Variants in ANK3 observed in about 807,000 individuals in gnomAD.
ANK3 encodes ankyrin 3, also known as ankyrin-3.
ANK3 carries 57 observed loss-of-function variants against 370.9 expected under a neutral mutation model. The observed-to-expected ratio is 0.15, with a 90% CI of 0.12 to 0.19. ANK3 has a LOEUF of 0.19. Ranked by LOEUF, ANK3 falls within the 10% of genes least tolerant of loss-of-function variation. The probability of loss-of-function intolerance (pLI) is 1.00; values close to 1 mark genes in which losing one functional copy is unlikely to be tolerated. For synonymous variants in ANK3, 1,929 were observed against 1,946.3 expected (o/e 0.99, Z 0.23); for missense variants, 4,439 against 5,302.1 (o/e 0.84, Z 5.06).
intron 42 of ANK3, among the ~76,000 whole-genome samples, chr10:60,049,100 A>T (rs1488885258): frequency 6.6e-6 from 1 of 152,202 alleles, no homozygotes; most frequent in Non-Finnish European, 1.5e-5. Flanking sequence ...ATAATTTATA[A>T]AGTGTTTTTG....
chr10:60,226,704 GTATA>G (rs1358777702), intron 8 of ANK3, among the ~76,000 whole-genome samples: 1 of 137,878 alleles, frequency 7.3e-6, no homozygotes, highest in African/African-American at 2.7e-5. Flanking sequence ...ATATTATATA[GTATA>G]TATAATACAT....
In ANK3 at chr10:60,069,914, G is replaced by A; in HGVS notation, c.10967C>T (p.Ala3656Val). The A allele has an allele frequency of 1.2e-6, 2 of 1,613,882 alleles. No individual in the cohort carries two copies. Among genetic ancestry groups the A allele is most frequent in the Non-Finnish European group, 1.7e-6 (2 of 1,179,936 alleles). The change falls in exon 37 of 44, where the codon GCC (alanine) becomes GTC (valine). Residue 3656 changes from alanine to valine, a missense_variant. Physicochemically the swap from Ala to Val is moderately conservative, Grantham distance 64. Around this residue, in one of 13 missense-constraint regions of ANK3, gnomAD observed 496 missense variants for 529.3 expected, o/e 0.94. Coordinates refer to ENST00000280772, the MANE Select transcript of ANK3 (RefSeq NM_020987.5). ...GTCCCCTGACTGTGGCTGTGGTGTG[G>A]CAGTGACCATACTTTTATCCCCTTC... ...QGEGDKSMVT[A>V]TPQPQSGDTT... is the part of the protein sequence containing the mutation.
At chr10:60,557,591 C>T (rs1169682920) in intron 2 of ANK3, among the ~76,000 whole-genome samples, 2 of 151,970 alleles carry the variant, frequency 1.3e-5, no homozygotes, top group South Asian at 2.1e-4. Context: ...ATAGTTAATG[C>T]CACTAAACTG....
Position 60,517,414 on chromosome 10 carries a change from A to C in ANK3, c.96+97772T>G, listed in dbSNP as rs559125303. Among the ~76,000 whole-genome samples, 3 of 152,138 alleles carry C rather than the reference A, an allele frequency of 2.0e-5. No homozygotes were observed. The South Asian group carries it at 6.2e-4, about 32-fold the overall frequency. On this transcript the variant is annotated intron_variant, in intron 2 of 43. Coordinates refer to the ANK3 transcript ENST00000373827. ...CTGGTAGGCTTGTGAAGATGAAATG[A>C]GATTACCCATCTATGGCCATACCAT...
chr10:60,258,772 T>G (rs1416035634), intron 7 of ANK3, among the ~76,000 whole-genome samples: 1 of 152,154 alleles, frequency 6.6e-6, no homozygotes, highest in Admixed American at 6.6e-5. Context: ...ACTTTATCTG[T>G]CATACTTCTT....
At chr10:60,405,426 A>T (rs1401781671) in intron 2 of ANK3, among the ~76,000 whole-genome samples, 1 of 152,154 alleles carries the variant, frequency 6.6e-6, no homozygotes, top group Non-Finnish European at 1.5e-5. Context: ...TTACATGAAG[A>T]TCTAAAACAG....
chr10:60,531,927 A>C (rs75857749), intron 2 of ANK3, among the ~76,000 whole-genome samples: 39 of 152,262 alleles, frequency 2.6e-4, no homozygotes, highest in African/African-American at 9.1e-4. Flanking sequence ...TCTAATGTTC[A>C]CTTATGTTTG....
intron 2 of ANK3, among the ~76,000 whole-genome samples, chr10:60,430,290 C>T (rs2063987050): frequency 6.6e-6 from 1 of 152,006 alleles, no homozygotes; most frequent in Admixed American, 6.6e-5. Context: ...AATACCAGCC[C>T]AGAATTCACT....
intron 25 of ANK3, among the ~76,000 whole-genome samples, chr10:60,118,870 C>T (rs752932253): frequency 5.9e-5 from 9 of 152,106 alleles, no homozygotes; most frequent in Non-Finnish European, 1.2e-4. Flanking sequence ...TTATGTCTCA[C>T]AAAAAGGTAT....
chr10:60,672,854 GCAGTGT>G (rs2079079335), intron 1 of ANK3, among the ~76,000 whole-genome samples: 1 of 152,198 alleles, frequency 6.6e-6, no homozygotes, highest in East Asian at 1.9e-4. Context: ...CTCGAGGCAA[GCAGTGT>G]CAGAATTTAA....
At chr10:60,177,842 T>C (rs1293103650) in intron 18 of ANK3, among the ~76,000 whole-genome samples, 3 of 152,110 alleles carry the variant, frequency 2.0e-5, no homozygotes, top group African/African-American at 7.2e-5. Flanking sequence ...CCTCGTGATC[T>C]GGCCGCCGCG....
At chr10:60,400,008 C>CAG (rs1289449052) in intron 2 of ANK3, among the ~76,000 whole-genome samples, 17 of 111,230 alleles carry the variant, frequency 1.5e-4, no homozygotes, top group African/African-American at 5.6e-4. Context: ...ACCTCCAATA[C>CAG]AGTGTGTGTG....
chr10:60,071,495 C>T lies in ANK3; in HGVS notation c.9386G>A (p.Arg3129Lys). 1 of 1,613,958 alleles carries T rather than the reference C, an allele frequency of 6.2e-7. No homozygotes were observed. The highest frequency in any genetic ancestry group is 8.5e-7 in the Non-Finnish European group (1 of 1,179,942). ...SQECKTVQET[R>K]GTFYTTRQQK... ...CTGTCTAGTTGTATAAAAGGTCCCC[C>T]TGGTTTCTTGTACTGTCTTACATTC... is the stretch of plus-strand genomic sequence containing the variant. Residue 3129 changes from arginine (R) to lysine (K), a missense_variant, in exon 37 of 44, where the codon AGG (arginine) becomes AAG (lysine). By Grantham distance (26) the Arg-to-Lys change is conservative. Coordinates refer to ENST00000280772, the MANE Select transcript of ANK3 (RefSeq NM_020987.5).
chr10:60,497,172 C>G (rs1595148255), intron 2 of ANK3, among the ~76,000 whole-genome samples: 5 of 151,906 alleles, frequency 3.3e-5, no homozygotes, highest in Admixed American at 3.3e-4. Flanking sequence ...GGTGTGGTGG[C>G]ATATGCCTGT....
At chr10:60,209,627 T>A (rs2096821155) in intron 9 of ANK3, among the ~76,000 whole-genome samples, 1 of 152,182 alleles carries the variant, frequency 6.6e-6, no homozygotes, top group Admixed American at 6.5e-5. Context: ...TTCCCTCAAA[T>A]ATTTTAAACC....
chr10:60,096,112 G>A (rs1291666884), intron 28 of ANK3, among the ~76,000 whole-genome samples: 2 of 152,164 alleles, frequency 1.3e-5, no homozygotes, highest in Non-Finnish European at 2.9e-5. Flanking sequence ...GGTGGAGATT[G>A]CAGTGAGCCA....
chr10:60,619,182 C>G lies in ANK3; in HGVS notation c.58-3958G>C, dbSNP rs58639345. Among the ~76,000 whole-genome samples, 860 of 152,150 alleles carry G rather than the reference C, an allele frequency of 5.7e-3. 6 individuals are homozygous for G. Among genetic ancestry groups the G allele is most frequent in the African/African-American group, 0.019 (772 of 41,494 alleles). ...ATATAGATCCTACCCTCTTTTCCTT[C>G]CCCATGCCCAGGCCCACTCCCAAAG... On this transcript the variant is annotated intron_variant, in intron 1 of 43. Coordinates refer to the ANK3 transcript ENST00000373827.
chr10:60,278,801 A>T lies in ANK3; in HGVS notation c.387T>A (p.Asn129Lys). 1 of 1,614,008 alleles carries T rather than the reference A, an allele frequency of 6.2e-7. No individual in the cohort carries two copies. Among genetic ancestry groups the T allele is most frequent in the African/African-American group, 1.3e-5 (1 of 75,042 alleles). The change falls in exon 4 of 44, where the codon AAT (asparagine) becomes AAA (lysine). Residue 129 changes from asparagine to lysine, a missense_variant. This residue lies in a region of ANK3 where 136 missense variants were observed against 230.5 expected (regional missense o/e 0.59). Transcript: ENST00000280772. ...GAGATTGTGCATTGACATTGGCTCC[A>T]TTTGTAACCAAGACTTTTACCACCT... ...QAEVVKVLVT[N>K]GANVNAQSQN...
chr10:60,168,544 T>A (rs1248259213), intron 21 of ANK3, among the ~76,000 whole-genome samples: 1 of 152,098 alleles, frequency 6.6e-6, no homozygotes, highest in African/African-American at 2.4e-5. Flanking sequence ...CTTGTTTTTT[T>A]AAAAAAATTA....
Sources: gnomAD v4.1 joint callset for allele counts (sites outside exome capture counted in the v4.1 genomes callset) on GRCh38, gnomAD v4.1.1 for gene constraint, gnomAD v4.1.1 regional missense constraint, MANE v1.5 for transcripts, NCBI Gene and HGNC (gene_info 2026-07-23, HGNC 2026-07-21) for gene names.